The following CSMD1 variants were observed in gnomAD, a reference collection of about 807,000 sequenced individuals.
CSMD1 encodes the protein CUB and sushi domain-containing protein 1.
CSMD1 carries 213 observed loss-of-function variants against 417.5 expected under a neutral mutation model. That is an observed-to-expected ratio of 0.51 (90% CI 0.46 to 0.57). CSMD1 has a LOEUF of 0.57. Among genes scored for constraint, CSMD1 ranks in the 20% least tolerant of loss-of-function variants. The probability of loss-of-function intolerance (pLI) is 0.00; values close to 1 mark genes in which losing one functional copy is unlikely to be tolerated. For synonymous variants in CSMD1, 2,862 were observed against 1,736.8 expected, an observed-to-expected ratio of 1.65 and a Z score of -16.11; for missense variants, 6,923 against 4,529.7, an observed-to-expected ratio of 1.53 and a Z score of -15.17.
intron 3 of CSMD1, among the ~76,000 whole-genome samples, chr8:4,081,946 A>G (rs1284960083): frequency 6.6e-6 from 1 of 152,176 alleles, no homozygotes; most frequent in African/African-American, 2.4e-5. Context: ...TACACTCGAA[A>G]AACCATATAA....
chr8:4,821,311 C>T (rs1799510993), intron 1 of CSMD1, among the ~76,000 whole-genome samples: 1 of 152,116 alleles, frequency 6.6e-6, no homozygotes, highest in African/African-American at 2.4e-5. Flanking sequence ...ATAATCCAAT[C>T]CATTTAAGAA....
chr8:3,884,022 G>C (rs1024566183), intron 5 of CSMD1, among the ~76,000 whole-genome samples: 4 of 152,106 alleles, frequency 2.6e-5, no homozygotes, highest in African/African-American at 7.2e-5. Flanking sequence ...AAATATTTTA[G>C]TTTTCATGCA....
intron 3 of CSMD1, among the ~76,000 whole-genome samples, chr8:4,248,861 A>G (rs909575219): frequency 6.6e-5 from 10 of 151,878 alleles, no homozygotes; most frequent in African/African-American, 1.7e-4. Flanking sequence ...CTAACTCTCA[A>G]AAGTCACTCA....
intron 3 of CSMD1, among the ~76,000 whole-genome samples, chr8:4,153,408 C>G (rs78527091): frequency 0.025 from 3,844 of 152,304 alleles, 150 homozygotes; most frequent in African/African-American, 0.088. Flanking sequence ...GTTCCCTAGC[C>G]TCATTCATGC....
intron 2 of CSMD1, among the ~76,000 whole-genome samples, chr8:4,594,294 C>A (rs954852657): frequency 6.8e-6 from 1 of 147,614 alleles, no homozygotes; most frequent in Non-Finnish European, 1.5e-5. Context: ...ACCTCTGACT[C>A]CTGGGTTAAA....
At chr8:4,104,365 A>C (rs984206965) in intron 3 of CSMD1, among the ~76,000 whole-genome samples, 2 of 152,230 alleles carry the variant, frequency 1.3e-5, no homozygotes, top group African/African-American at 4.8e-5. Context: ...CACACTGTGA[A>C]AAAATGCACA....
chr8:4,043,008 T>C (rs1171937721), intron 3 of CSMD1, among the ~76,000 whole-genome samples: 2 of 151,856 alleles, frequency 1.3e-5, no homozygotes, highest in Admixed American at 1.3e-4. Context: ...GACTTGCACC[T>C]GTAGTCCCAG....
chr8:4,827,138 TAAAAC>T (rs1799881420), intron 1 of CSMD1, among the ~76,000 whole-genome samples: 1 of 152,116 alleles, frequency 6.6e-6, no homozygotes, highest in Admixed American at 6.6e-5. Context: ...CTAGAATAAT[TAAAAC>T]AAAGAAAACA....
At chr8:4,917,149 G>A (rs60561627) in intron 1 of CSMD1, among the ~76,000 whole-genome samples, 3,871 of 152,264 alleles carry the variant, frequency 0.025, 167 homozygotes, top group African/African-American at 0.089. Flanking sequence ...AAGTTGGCAT[G>A]TCCTACTTGG....
rs1425989056 is a variant in CSMD1, at chr8:4,120,699, A to T, written c.416-88600T>A. Reference sequence around the variant, plus strand: ...AGAAGTAAGTTTAGATGCCAAATACATATTCAGAAACACTCCAGGCTCATG... The same window carrying T: ...AGAAGTAAGTTTAGATGCCAAATACTTATTCAGAAACACTCCAGGCTCATG... On this transcript the variant is annotated intron_variant, in intron 3 of 69. Coordinates refer to ENST00000635120, the MANE Select transcript of CSMD1 (RefSeq NM_033225.6). Among the ~76,000 whole-genome samples, 4 of 152,222 alleles carry T rather than the reference A, an allele frequency of 2.6e-5. No individual in the cohort carries two copies. The East Asian group carries it at 7.7e-4, about 29-fold the overall frequency.
chr8:4,233,597 G>T (rs1474634521), intron 3 of CSMD1, among the ~76,000 whole-genome samples: 1 of 152,126 alleles, frequency 6.6e-6, no homozygotes, highest in Admixed American at 6.5e-5. Context: ...ACCAGGAAAT[G>T]ATCCCCAACC....
intron 2 of CSMD1, among the ~76,000 whole-genome samples, chr8:4,425,812 A>G (rs1797516290): frequency 6.6e-6 from 1 of 152,126 alleles, no homozygotes; most frequent in African/African-American, 2.4e-5. Flanking sequence ...TTCATATTTG[A>G]TGGTCCAGGG....
At chr8:3,470,437 C>T (rs1286383727) in intron 11 of CSMD1, among the ~76,000 whole-genome samples, 3 of 152,114 alleles carry the variant, frequency 2.0e-5, no homozygotes, top group Non-Finnish European at 4.4e-5. Context: ...CTAGTTTCCC[C>T]GAGTGGTAAC....
chr8:4,731,701 C>A (rs1387416543), intron 1 of CSMD1, among the ~76,000 whole-genome samples: 2 of 152,090 alleles, frequency 1.3e-5, no homozygotes, highest in African/African-American at 4.8e-5. Context: ...TTTCAAAGCT[C>A]CAATGGGTTC....
chr8:3,144,834 G>A (rs867390783), intron 40 of CSMD1, among the ~76,000 whole-genome samples: 11 of 144,280 alleles, frequency 7.6e-5, no homozygotes, highest in Non-Finnish European at 3.0e-5. Context: ...GGTAAGGGAG[G>A]GAGGGGGTCC....
chr8:3,001,927 C>T (rs1807438160), intron 52 of CSMD1, among the ~76,000 whole-genome samples: 1 of 151,346 alleles, frequency 6.6e-6, no homozygotes, highest in South Asian at 2.1e-4. Flanking sequence ...TATATTTCTG[C>T]TTAAAACAAA....
intron 3 of CSMD1, among the ~76,000 whole-genome samples, chr8:4,330,616 G>A (rs1457308957): frequency 3.3e-5 from 5 of 151,048 alleles, no homozygotes; most frequent in African/African-American, 1.2e-4. Flanking sequence ...TTTTGTAATA[G>A]CTCATAAATC....
intron 52 of CSMD1, among the ~76,000 whole-genome samples, chr8:3,005,061 C>A (rs1182855270): frequency 1.3e-5 from 2 of 152,180 alleles, no homozygotes; most frequent in Non-Finnish European, 2.9e-5. Flanking sequence ...ATTGCTTGAA[C>A]CCGGGAGGCA....
At chr8:4,831,579 T>A (rs1322399443) in intron 1 of CSMD1, among the ~76,000 whole-genome samples, 6 of 152,132 alleles carry the variant, frequency 3.9e-5, no homozygotes, top group Admixed American at 3.3e-4. Context: ...TTACAAAATG[T>A]CATGCCAAGG....
Sources: allele counts gnomAD v4.1 joint callset (sites outside exome capture counted in the v4.1 genomes callset), GRCh38; gene constraint gnomAD v4.1.1; transcripts MANE v1.5; gene names NCBI Gene and HGNC (gene_info 2026-07-23, HGNC 2026-07-21).